Variants in CSMD3 observed in about 807,000 individuals in gnomAD.
CSMD3 encodes the protein CUB and Sushi multiple domains 3.
In CSMD3, 177 loss-of-function variants were observed where a neutral mutation model predicts 435.2. The ratio of observed to expected loss-of-function variants is 0.41; its 90% CI spans 0.36 to 0.46. CSMD3 has a LOEUF of 0.46. CSMD3 is among the 20% of genes least tolerant of loss of function. The pLI is 0.34. For missense variants in CSMD3, 4,265 were observed against 4,504.6 expected (o/e 0.95, Z 1.52); for synonymous variants, 1,656 against 1,520.5 (o/e 1.09, Z -2.07).
chr8:112,846,378 C>G (rs916019446), intron 11 of CSMD3, among the ~76,000 whole-genome samples: 4 of 144,222 alleles, frequency 2.8e-5, no homozygotes, highest in African/African-American at 1.0e-4. Context: ...TCCCTCCTTC[C>G]TTCCTTTTTT....
At chr8:113,320,827 T>C (rs1057055893) in intron 1 of CSMD3, among the ~76,000 whole-genome samples, 12 of 152,114 alleles carry the variant, frequency 7.9e-5, no homozygotes, top group African/African-American at 1.7e-4. Context: ...ACCACAGATA[T>C]AGCTGTAAGC....
chr8:112,275,476 G>A (rs1184302912), intron 59 of CSMD3, among the ~76,000 whole-genome samples: 1 of 152,084 alleles, frequency 6.6e-6, no homozygotes, highest in African/African-American at 2.4e-5. Context: ...GAACCCAGGA[G>A]GCAGAGGTTG....
chr8:113,140,629 T>C (rs1471797011), intron 4 of CSMD3, among the ~76,000 whole-genome samples: 1 of 151,174 alleles, frequency 6.6e-6, no homozygotes, highest in Non-Finnish European at 1.5e-5. Context: ...TTCAAAAATG[T>C]GGACACTAAA....
At chr8:113,416,220 A>G (rs1336077878) in intron 1 of CSMD3, among the ~76,000 whole-genome samples, 2 of 152,114 alleles carry the variant, frequency 1.3e-5, no homozygotes, top group South Asian at 4.1e-4. Context: ...ACAATCTGGG[A>G]TTTTAAAATA....
At chr8:112,429,667 T>G (rs1813450604) in intron 32 of CSMD3, among the ~76,000 whole-genome samples, 1 of 152,012 alleles carries the variant, frequency 6.6e-6, no homozygotes, top group African/African-American at 2.4e-5. Flanking sequence ...GAAAATAATT[T>G]TGGTCATCAT....
At chr8:112,842,174 T>C (rs554533407) in intron 11 of CSMD3, among the ~76,000 whole-genome samples, 1 of 151,828 alleles carries the variant, frequency 6.6e-6, no homozygotes, top group South Asian at 2.1e-4. Context: ...TTCCAGAAGG[T>C]TGAGCATGGC....
chr8:113,136,951 G>A (rs2091432629), intron 4 of CSMD3, among the ~76,000 whole-genome samples: 1 of 151,654 alleles, frequency 6.6e-6, no homozygotes, highest in South Asian at 2.1e-4. Context: ...GGATAAAACA[G>A]AGAGTAAATT....
intron 1 of CSMD3, among the ~76,000 whole-genome samples, chr8:113,424,135 T>C (rs1420146089): frequency 6.6e-6 from 1 of 151,702 alleles, no homozygotes; most frequent in African/African-American, 2.4e-5. Flanking sequence ...CAGAATAACA[T>C]GAATCATCAA....
At chr8:113,432,452 A>G (rs1479390248) in intron 1 of CSMD3, among the ~76,000 whole-genome samples, 3 of 152,186 alleles carry the variant, frequency 2.0e-5, no homozygotes, top group Non-Finnish European at 2.9e-5. Flanking sequence ...TCAGCCCCTT[A>G]GCTGGTCACT....
chr8:112,691,869 C>T (rs185331308), intron 13 of CSMD3, among the ~76,000 whole-genome samples: 6 of 152,120 alleles, frequency 3.9e-5, no homozygotes, highest in East Asian at 1.9e-4. Flanking sequence ...GGCGTGATCT[C>T]GGCTCATTGT....
intron 13 of CSMD3, among the ~76,000 whole-genome samples, chr8:112,761,852 A>G (rs2077846768): frequency 6.6e-6 from 1 of 152,052 alleles, no homozygotes; most frequent in South Asian, 2.1e-4. Flanking sequence ...GTGCATGAGG[A>G]ATCAATGCAA....
At chr8:112,650,842 T>C (rs1237802052) in intron 18 of CSMD3, among the ~76,000 whole-genome samples, 6 of 152,252 alleles carry the variant, frequency 3.9e-5, no homozygotes, top group African/African-American at 1.4e-4. Context: ...TTGTTATCAA[T>C]AGTCTCTAGT....
intron 31 of CSMD3, among the ~76,000 whole-genome samples, chr8:112,482,384 T>C (rs1819709878): frequency 6.6e-6 from 1 of 152,232 alleles, no homozygotes; most frequent in Admixed American, 6.5e-5. Context: ...AATTGGGATA[T>C]AATTTACATA....
chr8:113,266,458 C>A (rs935413931), intron 3 of CSMD3, among the ~76,000 whole-genome samples: 2 of 151,228 alleles, frequency 1.3e-5, no homozygotes, highest in African/African-American at 4.8e-5. Flanking sequence ...TAAGTGGAAT[C>A]ACAGCTAACA....
chr8:113,270,491 T>C (rs139629152), intron 3 of CSMD3, among the ~76,000 whole-genome samples: 1,783 of 152,204 alleles, frequency 0.012, 35 homozygotes, highest in African/African-American at 0.04. Context: ...ACCCAAAGGA[T>C]TGTAAGTCAT....
Position 113,143,397 on chromosome 8 carries a change from T to C in CSMD3, c.709+30325A>G, listed in dbSNP as rs572780236. Among the ~76,000 whole-genome samples the C allele has an allele frequency of 2.0e-4, 31 of 151,562 alleles. No individual in the cohort carries two copies. The South Asian group carries it at 6.4e-3, about 31-fold the overall frequency. On this transcript the variant is annotated intron_variant, in intron 4 of 70. Coordinates refer to ENST00000297405, the MANE Select transcript of CSMD3 (RefSeq NM_198123.2). ...GAAACAGAAAATGGTACAGGCACTC[T>C]AGAAGACAGTTTGGCAATTGCTAAA...
At chr8:113,057,577 C>T (rs1345340715) in intron 5 of CSMD3, among the ~76,000 whole-genome samples, 1 of 151,966 alleles carries the variant, frequency 6.6e-6, no homozygotes, top group Non-Finnish European at 1.5e-5. Flanking sequence ...TATTATCACT[C>T]ACCATTATCC....
intron 22 of CSMD3, among the ~76,000 whole-genome samples, chr8:112,597,443 G>C (rs1170859523): frequency 7.6e-6 from 1 of 131,298 alleles, no homozygotes; most frequent in African/African-American, 3.0e-5. Flanking sequence ...GAGGTACAAG[G>C]AGGAACTGGT....
chr8:112,527,641 T>TA (rs948244935), intron 27 of CSMD3, among the ~76,000 whole-genome samples: 1 of 151,814 alleles, frequency 6.6e-6, no homozygotes, highest in Non-Finnish European at 1.5e-5. Flanking sequence ...GTATTTTTTT[T>TA]AAAAAAACAT....
Sources: allele counts gnomAD v4.1 joint callset (sites outside exome capture counted in the v4.1 genomes callset), GRCh38; gene constraint gnomAD v4.1.1; transcripts MANE v1.5; gene names NCBI Gene and HGNC (gene_info 2026-07-23, HGNC 2026-07-21).